RPS6KA6: variants seen among roughly 807,000 people sequenced by gnomAD.
RPS6KA6 encodes the protein ribosomal protein S6 kinase A6, also known as ribosomal protein S6 kinase alpha-6.
Under a neutral mutation model 65.4 loss-of-function variants are expected in RPS6KA6, and 27 were observed. That is an observed-to-expected ratio of 0.41 (90% CI 0.30 to 0.57). The LOEUF (loss-of-function observed/expected upper bound fraction) is 0.57, where lower values mean the gene tolerates loss of function less well. RPS6KA6 is among the 20% of genes least tolerant of loss of function. The probability of loss-of-function intolerance (pLI) is 0.24; values close to 1 mark genes in which losing one functional copy is unlikely to be tolerated. For missense variants in RPS6KA6, 486 were observed against 555.6 expected (o/e 0.87, Z 1.26); for synonymous variants, 190 against 184.2 (o/e 1.03, Z -0.26).
chrX:84,132,337 T>G (rs1244132429), intron 8 of RPS6KA6, among the ~76,000 whole-genome samples: 3 of 110,547 alleles, frequency 2.7e-5, no homozygotes, highest in Admixed American at 9.7e-5. Flanking sequence ...GGAGGATGGC[T>G]TGAGCCCAGG....
intron 1 of RPS6KA6, among the ~76,000 whole-genome samples, chrX:84,186,511 C>CT (rs2035929807): frequency 8.9e-6 from 1 of 111,752 alleles, no homozygotes; most frequent in Non-Finnish European, 1.9e-5. Context: ...GCTTGGTTTA[C>CT]TAGTAAAATA....
chrX:84,150,860 GAGGATATATAT>G (rs764793687), intron 3 of RPS6KA6, among the ~76,000 whole-genome samples: 1 of 93,492 alleles, frequency 1.1e-5, no homozygotes. Flanking sequence ...TATATATATA[GAGGATATATAT>G]AGGATATATA....
intron 3 of RPS6KA6, among the ~76,000 whole-genome samples, chrX:84,152,199 T>C (rs1197386052): frequency 9.0e-6 from 1 of 111,065 alleles, no homozygotes; most frequent in Admixed American, 9.7e-5. Flanking sequence ...ACACCTGATC[T>C]GTTTTTTCTT....
chrX:84,152,170 T>G (rs1217053213), intron 3 of RPS6KA6, among the ~76,000 whole-genome samples: 4 of 111,367 alleles, frequency 3.6e-5, no homozygotes, highest in African/African-American at 6.5e-5. Context: ...ATTCGCAGTC[T>G]AGAGAAGTAA....
At position 84,147,157 on chromosome X, in the gene RPS6KA6, C is replaced by G. The variant is rs2035213839; in HGVS notation, c.341-99G>C. Reference sequence around the variant, plus strand: ...AAACAACAAATATAAAAATACAAAACGTAACTTCCTAAATGCCGAAATTTG... The same window carrying G: ...AAACAACAAATATAAAAATACAAAAGGTAACTTCCTAAATGCCGAAATTTG... On this transcript the variant is annotated intron_variant, in intron 4 of 21. Coordinates refer to ENST00000262752, the MANE Select transcript of RPS6KA6 (RefSeq NM_014496.5). The G allele has an allele frequency of 1.6e-5, 8 of 506,249 alleles. No individual in the cohort carries two copies. The South Asian group carries it at 3.9e-4, about 25-fold the overall frequency. The allele number at this position is 506,249 out of a possible 1,213,427, so 41.7% of individuals were successfully genotyped here. A position where few individuals can be genotyped will look rare whatever the true frequency, so the allele number is the denominator to read the frequency against.
rs1463592375 is a variant in RPS6KA6, at chrX:84,061,881, T to C, written c.*2396A>G. 9.0e-6 allele frequency: 1 copy of C among 111,685 alleles called. No homozygotes were observed. The highest frequency in any genetic ancestry group is 1.9e-5 in the Non-Finnish European group (1 of 53,031). 9.2% of individuals were successfully genotyped at this position (111,685 alleles called of 1,213,427 possible). ...AAAAAATGTTCAATCCAAATCTGCA[T>C]TTTTGGCTATGGAGTTCTAGCCAAA... is the stretch of plus-strand genomic sequence containing the variant. On this transcript the variant is annotated 3_prime_UTR_variant, in exon 22 of 22. Coordinates refer to ENST00000262752, the MANE Select transcript of RPS6KA6 (RefSeq NM_014496.5).
At chrX:84,114,012 T>G (rs1349451381) in intron 12 of RPS6KA6, among the ~76,000 whole-genome samples, 11 of 111,393 alleles carry the variant, frequency 9.9e-5, no homozygotes, top group Non-Finnish European at 2.1e-4. Context: ...CAAATGAAAG[T>G]TCTAATTAAC....
intron 3 of RPS6KA6, among the ~76,000 whole-genome samples, chrX:84,149,958 T>G (rs1289320033): frequency 8.9e-6 from 1 of 112,398 alleles, no homozygotes; most frequent in African/African-American, 3.2e-5. Context: ...AATTAAAACC[T>G]GTTGCTTAGT....
At chrX:84,082,291 A>G (rs191356019) in intron 20 of RPS6KA6, among the ~76,000 whole-genome samples, 1 of 111,841 alleles carries the variant, frequency 8.9e-6, no homozygotes, top group Admixed American at 9.5e-5. Flanking sequence ...AAGCATTCCT[A>G]TACACCAATA....
intron 20 of RPS6KA6, among the ~76,000 whole-genome samples, chrX:84,068,465 A>G (rs2033453743): frequency 8.9e-6 from 1 of 112,022 alleles, no homozygotes; most frequent in Admixed American, 9.5e-5. Context: ...AGCCAATATC[A>G]TACTGAATGG....
intron 2 of RPS6KA6, among the ~76,000 whole-genome samples, chrX:84,156,836 A>G (rs1263685300): frequency 8.9e-6 from 1 of 111,778 alleles, no homozygotes; most frequent in Non-Finnish European, 1.9e-5. Flanking sequence ...CTCAGCTGTG[A>G]TGACTACATT....
intron 20 of RPS6KA6, among the ~76,000 whole-genome samples, chrX:84,068,315 C>G (rs930354210): frequency 8.9e-6 from 1 of 112,030 alleles, no homozygotes; most frequent in African/African-American, 3.2e-5. Flanking sequence ...TAAACAGAAC[C>G]AATGACAAAA....
At chrX:84,123,024 C>G (rs1458365880) in intron 8 of RPS6KA6, among the ~76,000 whole-genome samples, 1 of 112,003 alleles carries the variant, frequency 8.9e-6, no homozygotes, top group African/African-American at 3.2e-5. Flanking sequence ...GGACAGGACA[C>G]TGGGCAGAGT....
chrX:84,135,822 C>T (rs757736825), intron 6 of RPS6KA6, among the ~76,000 whole-genome samples: 11 of 111,156 alleles, frequency 9.9e-5, no homozygotes, highest in Non-Finnish European at 2.1e-4. Context: ...GTAATGTATA[C>T]GAGTGTAATG....
At chrX:84,102,299 G>T in intron 17 of RPS6KA6, 101 bp from the exon 18 acceptor site, 1 of 475,743 alleles carries the variant, frequency 2.1e-6, no homozygotes, top group Non-Finnish European at 3.0e-6. Flanking sequence ...CTGAGAAAAA[G>T]AAACTTTCCA....
chrX:84,073,517 T>C (rs978292813), intron 20 of RPS6KA6, among the ~76,000 whole-genome samples: 8 of 110,626 alleles, frequency 7.2e-5, no homozygotes, highest in Non-Finnish European at 1.5e-4. Flanking sequence ...AAAGCAAAAA[T>C]AGACAAATGG....
intron 3 of RPS6KA6, among the ~76,000 whole-genome samples, chrX:84,153,104 GAACC>G (rs929043026): frequency 3.2e-4 from 36 of 111,356 alleles, no homozygotes; most frequent in African/African-American, 1.1e-3. Flanking sequence ...TGAAGAGAAA[GAACC>G]AACTTCAGGA....
At chrX:84,141,776 C>A (rs1295013153) in intron 6 of RPS6KA6, among the ~76,000 whole-genome samples, 1 of 111,267 alleles carries the variant, frequency 9.0e-6, no homozygotes, top group Non-Finnish European at 1.9e-5. Flanking sequence ...GGGATAAAGT[C>A]AGTCATGTCA....
upstream of RPS6KA6, among the ~76,000 whole-genome samples, chrX:84,188,407 G>A (rs1325479299): frequency 9.1e-6 from 1 of 109,560 alleles, no homozygotes; most frequent in East Asian, 2.9e-4. Flanking sequence ...GTGGTGGGTG[G>A]TGGGATAGAG....
Sources: gnomAD v4.1 joint callset for allele counts (sites outside exome capture counted in the v4.1 genomes callset) on GRCh38, gnomAD v4.1.1 for gene constraint, MANE v1.5 for transcripts, NCBI Gene and HGNC (gene_info 2026-07-23, HGNC 2026-07-21) for gene names.